The following ROBO2 variants were observed in gnomAD, a reference collection of about 807,000 sequenced individuals.
ROBO2 encodes roundabout homolog 2.
Under a neutral mutation model 160.8 loss-of-function variants are expected in ROBO2, and 53 were observed. The ratio of observed to expected loss-of-function variants is 0.33; its 90% CI spans 0.26 to 0.41. The LOEUF is 0.41. Ranked by LOEUF, ROBO2 falls within the 10% of genes least tolerant of loss-of-function variation. The pLI, the probability that ROBO2 is intolerant of heterozygous loss-of-function variation, is 1.00. For synonymous variants in ROBO2, 664 were observed against 611.7 expected, an observed-to-expected ratio of 1.09 and a Z score of -1.26; for missense variants, 1,577 against 1,722.4, an observed-to-expected ratio of 0.92 and a Z score of 1.49.
intron 2 of ROBO2, among the ~76,000 whole-genome samples, chr3:76,244,001 A>T (rs1024538698): frequency 3.3e-5 from 5 of 152,164 alleles, no homozygotes; most frequent in Non-Finnish European, 7.3e-5. Flanking sequence ...TTGTCAGAAT[A>T]TGGTTAACAG....
intron 5 of ROBO2, among the ~76,000 whole-genome samples, chr3:77,506,408 G>A (rs2088534853): frequency 6.6e-6 from 1 of 151,986 alleles, no homozygotes; most frequent in African/African-American, 2.4e-5. Context: ...AACTCCCTTT[G>A]CCTTATTTAT....
chr3:76,948,717 T>A (rs563518456), intron 2 of ROBO2, among the ~76,000 whole-genome samples: 4 of 145,746 alleles, frequency 2.7e-5, no homozygotes, highest in African/African-American at 1.0e-4. Flanking sequence ...ATTTAATTTT[T>A]TTTTTTTGAG....
At position 76,629,728 on chromosome 3, in the gene ROBO2, A is replaced by G. The variant is rs144500498; in HGVS notation, c.110-468286A>G. ...TTCAATCCAATCAAATTGACACTCA[A>G]TATTAACCATCACACCAGTCTTTAG... is the stretch of plus-strand genomic sequence containing the variant. On this transcript the variant is annotated intron_variant, in intron 2 of 26. Transcript: ENST00000487694. 7.3e-3 allele frequency among the ~76,000 whole-genome samples: 1,119 copies of G among 152,284 alleles called. 8 individuals are homozygous for G. The highest frequency in any genetic ancestry group is 0.037 in the Middle Eastern group (11 of 294).
At chr3:76,765,085 T>C (rs2061505852) in intron 2 of ROBO2, among the ~76,000 whole-genome samples, 2 of 151,802 alleles carry the variant, frequency 1.3e-5, no homozygotes, top group South Asian at 4.1e-4. Context: ...CTGCAGTCTC[T>C]AATGTCTATT....
chr3:75,947,599 T>C (rs951800306), intron 2 of ROBO2, among the ~76,000 whole-genome samples: 2 of 152,026 alleles, frequency 1.3e-5, no homozygotes, highest in African/African-American at 4.8e-5. Context: ...AGAGTGTTGA[T>C]AGAAAAGAGA....
At chr3:76,713,374 A>G (rs1474030651) in intron 2 of ROBO2, among the ~76,000 whole-genome samples, 1 of 152,128 alleles carries the variant, frequency 6.6e-6, no homozygotes, top group Admixed American at 6.5e-5. Flanking sequence ...TGATTCCTTT[A>G]TGCATTTTAA....
intron 2 of ROBO2, among the ~76,000 whole-genome samples, chr3:77,232,069 T>G (rs2087288852): frequency 6.6e-6 from 1 of 152,240 alleles, no homozygotes; most frequent in African/African-American, 2.4e-5. Flanking sequence ...TCCATTTCTT[T>G]TCATCGCTAT....
chr3:77,456,094 A>T (rs1469779797), intron 2 of ROBO2, among the ~76,000 whole-genome samples: 1 of 152,206 alleles, frequency 6.6e-6, no homozygotes, highest in South Asian at 2.1e-4. Context: ...CATCCTATTT[A>T]ATACTGTAGT....
At chr3:76,984,524 G>A (rs903352033) in intron 2 of ROBO2, among the ~76,000 whole-genome samples, 3 of 152,220 alleles carry the variant, frequency 2.0e-5, no homozygotes, top group Admixed American at 1.3e-4. Context: ...CTGTAAGTAC[G>A]ATTTGGTTCC....
At chr3:76,076,795 G>A (rs144990587) in intron 2 of ROBO2, among the ~76,000 whole-genome samples, 12 of 152,254 alleles carry the variant, frequency 7.9e-5, no homozygotes, top group South Asian at 4.1e-4. Flanking sequence ...GTTTATTACC[G>A]CATCAAGATG....
At chr3:76,108,489 G>T (rs1488660227) in intron 2 of ROBO2, among the ~76,000 whole-genome samples, 1 of 151,232 alleles carries the variant, frequency 6.6e-6, no homozygotes, top group Non-Finnish European at 1.5e-5. Context: ...GTTTTATTTA[G>T]GTCCTAGAAT....
At chr3:76,011,752 A>G (rs530702407) in intron 2 of ROBO2, among the ~76,000 whole-genome samples, 1 of 152,354 alleles carries the variant, frequency 6.6e-6, no homozygotes, top group South Asian at 2.1e-4. Context: ...ATATGTAGAC[A>G]TTATGCTCCT....
chr3:77,185,833 G>A (rs903406917), intron 2 of ROBO2, among the ~76,000 whole-genome samples: 1 of 151,758 alleles, frequency 6.6e-6, no homozygotes, highest in African/African-American at 2.4e-5. Context: ...ATATATGATG[G>A]AATACTAGTC....
intron 2 of ROBO2, among the ~76,000 whole-genome samples, chr3:76,387,817 A>G (rs1021089941): frequency 1.1e-4 from 16 of 152,222 alleles, no homozygotes; most frequent in African/African-American, 3.4e-4. Flanking sequence ...TGTTTGTTGC[A>G]TACAGGGGAC....
At chr3:77,083,824 T>C (rs2068953770) in intron 1 of ROBO2, among the ~76,000 whole-genome samples, 1 of 152,012 alleles carries the variant, frequency 6.6e-6, no homozygotes, top group Non-Finnish European at 1.5e-5. Context: ...GAGGTGAGGG[T>C]TTCATTCTTA....
chr3:76,119,649 TAAAA>T (rs2070635024), intron 2 of ROBO2, among the ~76,000 whole-genome samples: 1 of 151,932 alleles, frequency 6.6e-6, no homozygotes. Flanking sequence ...AATAAATAAA[TAAAA>T]AAGAAGTTGT....
At chr3:76,413,397 A>G (rs1304077118) in intron 2 of ROBO2, among the ~76,000 whole-genome samples, 1 of 152,226 alleles carries the variant, frequency 6.6e-6, no homozygotes, top group African/African-American at 2.4e-5. Context: ...TTTCTTTTCT[A>G]TCGCATAGTC....
At chr3:76,103,738 C>T (rs2069800625) in intron 2 of ROBO2, among the ~76,000 whole-genome samples, 1 of 152,158 alleles carries the variant, frequency 6.6e-6, no homozygotes, top group Non-Finnish European at 1.5e-5. Flanking sequence ...CTTTGCAGGC[C>T]ATCAAATCTA....
intron 2 of ROBO2, among the ~76,000 whole-genome samples, chr3:76,789,797 T>C (rs898359743): frequency 1.3e-5 from 2 of 151,576 alleles, no homozygotes; most frequent in African/African-American, 2.4e-5. Flanking sequence ...GAAAAAGGAA[T>C]GTCATGTATT....
Sources: allele counts gnomAD v4.1 joint callset (sites outside exome capture counted in the v4.1 genomes callset), GRCh38; gene constraint gnomAD v4.1.1; transcripts MANE v1.5; gene names NCBI Gene and HGNC (gene_info 2026-07-23, HGNC 2026-07-21).